Variants in PPP1R15B observed in about 807,000 individuals in gnomAD.
The protein encoded by PPP1R15B is protein phosphatase 1 regulatory subunit 15B, also known as protein phosphatase 1, regulatory (inhibitor) subunit 15B.
PPP1R15B carries 31 observed loss-of-function variants against 53.9 expected under a neutral mutation model. The ratio of observed to expected loss-of-function variants is 0.58; its 90% CI spans 0.43 to 0.78. PPP1R15B has a LOEUF of 0.78. PPP1R15B is among the 30% of genes least tolerant of loss of function. The pLI is 0.00. For missense variants in PPP1R15B, 928 were observed against 849.6 expected (o/e 1.09, Z -1.15); for synonymous variants, 345 against 329.1 (o/e 1.05, Z -0.52).
chr1:204,403,638 T>C lies in PPP1R15B; in HGVS notation c.*2454A>G. 2 of 985,474 alleles carry C rather than the reference T, an allele frequency of 2.0e-6. No individual in the cohort carries two copies. Among genetic ancestry groups the C allele is most frequent in the Non-Finnish European group, 2.4e-6 (2 of 829,564 alleles). 61.0% of individuals were successfully genotyped at this position (985,474 alleles called of 1,614,324 possible). Reference sequence around the variant, plus strand: ...CTCAGAAATGGAACTTTTACCTGTCTGTACAAAGCCTTTTACATGCTACAT... The same window carrying C: ...CTCAGAAATGGAACTTTTACCTGTCCGTACAAAGCCTTTTACATGCTACAT... On this transcript the variant is annotated 3_prime_UTR_variant, in exon 2 of 2. Coordinates refer to ENST00000367188, the MANE Select transcript of PPP1R15B (RefSeq NM_032833.5).
chr1:204,398,078 C>CAT (rs1455788344), downstream of PPP1R15B, among the ~76,000 whole-genome samples: 1 of 152,162 alleles, frequency 6.6e-6, no homozygotes, highest in South Asian at 2.1e-4. Flanking sequence ...AAAAGTGTAT[C>CAT]ATGTGTCTAA....
rs763050964 is a variant in PPP1R15B, at chr1:204,409,778, G to C, written c.1634C>G (p.Ser545Cys). 92 of 1,614,050 alleles carry C rather than the reference G, an allele frequency of 5.7e-5. No individual in the cohort carries two copies. Among genetic ancestry groups the C allele is most frequent in the Middle Eastern group, 1.6e-4 (1 of 6,084 alleles). Residue 545 changes from serine to cysteine, a missense_variant, in exon 1 of 2, where the codon TCT becomes TGT. By Grantham distance (112) the Ser-to-Cys change is moderately radical. Coordinates refer to ENST00000367188, the MANE Select transcript of PPP1R15B (RefSeq NM_032833.5). ...HSSGEEDDWE[S>C]SADEAESLKL... ...GAGACTCTCTGCTTCATCTGCACTA[G>C]ATTCCCAGTCATCTTCCTCCCCAGA...
In PPP1R15B at chr1:204,409,866, C is replaced by A. The variant is rs1199717445; in HGVS notation, c.1546G>T (p.Gly516Cys). The change falls in exon 1 of 2, where the codon GGC becomes TGC. Residue 516 changes from glycine (G) to cysteine (C), a missense_variant. Physicochemically the swap from Gly to Cys is radical, Grantham distance 159. Transcript: ENST00000367188. ...EPSDSEKDLS[G>C]KSDLENSSQS... ...GAGGAATTCTCTAGATCAGACTTGCCAGACAAATCCTTCTCTGAATCAGAA... is the reference window on the plus strand; with the variant it reads ...GAGGAATTCTCTAGATCAGACTTGCAAGACAAATCCTTCTCTGAATCAGAA... The A allele has an allele frequency of 8.1e-6, 13 of 1,614,098 alleles. No homozygotes were observed. The highest frequency in any genetic ancestry group is 1.1e-5 in the Non-Finnish European group (13 of 1,180,020).
Position 204,406,051 on chromosome 1 carries a change from TAA to T in PPP1R15B, c.*39_*40del, listed in dbSNP as rs749819237. On this transcript the variant is annotated 3_prime_UTR_variant, in exon 2 of 2. Transcript: ENST00000367188. Reference sequence around the variant, plus strand: ...TTGTTTTTAAAAGACACCTCTCAGGTAAGAGGTAGTGTATGCTAGCTAGGACT... The same window carrying T: ...TTGTTTTTAAAAGACACCTCTCAGGTGAGGTAGTGTATGCTAGCTAGGACT... 24 of 1,598,520 alleles carry T rather than the reference TAA, an allele frequency of 1.5e-5. No homozygotes were observed. In the African/African-American group the frequency reaches 3.0e-4, roughly 20 times the overall value.
rs1394196389 is a variant in PPP1R15B, at chr1:204,411,034, C to A, written c.378G>T (p.Ser126=). The A allele has an allele frequency of 1.2e-6, 2 of 1,614,148 alleles. No homozygotes were observed. Among genetic ancestry groups the A allele is most frequent in the South Asian group, 2.2e-5 (2 of 91,082 alleles). ...AAPTAQKSLS[S]LQLDSSDPSV... ...AGGGGTCTGAGGAGTCGAGCTGCAG[C>A]GAACTCAAAGATTTCTGCGCTGTGG... is the stretch of plus-strand genomic sequence containing the variant. Residue 126 remains serine, a synonymous_variant, in exon 1 of 2, where the codon TCG becomes TCT. Coordinates refer to ENST00000367188, the MANE Select transcript of PPP1R15B (RefSeq NM_032833.5).
At chr1:204,402,406 C>A (rs569932317), downstream of PPP1R15B, among the ~76,000 whole-genome samples, 1 of 151,954 alleles carries the variant, frequency 6.6e-6, no homozygotes, top group Non-Finnish European at 1.5e-5. Flanking sequence ...AGTATTAAAG[C>A]ATGATTCCAT....
chr1:204,403,262 G>C (rs144968553), downstream of PPP1R15B: 652 of 297,896 alleles, frequency 2.2e-3, 7 homozygotes, highest in African/African-American at 0.014. Flanking sequence ...AATACTGCAA[G>C]AACCAAGTTC....
intron 1 of PPP1R15B, among the ~76,000 whole-genome samples, chr1:204,408,392 T>C (rs997178685): frequency 2.0e-5 from 3 of 152,254 alleles, no homozygotes; most frequent in African/African-American, 4.8e-5. Flanking sequence ...ACATGACTTA[T>C]TCTGCCCTAA....
chr1:204,405,984 T>C lies in PPP1R15B; in HGVS notation c.*108A>G. The stretch of plus-strand genomic sequence containing the variant: ...AAAATTAAACTAGATCCAAGTTACA[T>C]TTCCTCTAAAAAAAAAAATGTCAAA... On this transcript the variant is annotated 3_prime_UTR_variant, in exon 2 of 2. Transcript: ENST00000367188. The C allele has an allele frequency of 6.7e-7, 1 of 1,482,908 alleles. No individual in the cohort carries two copies. The highest frequency in any genetic ancestry group is 1.4e-5 in the South Asian group (1 of 71,218). 91.9% of individuals were successfully genotyped at this position (1,482,908 alleles called of 1,614,324 possible). A position where few individuals can be genotyped will look rare whatever the true frequency, so the allele number is the denominator to read the frequency against.
At chr1:204,402,701 C>T (rs1199845086), downstream of PPP1R15B, among the ~76,000 whole-genome samples, 2 of 151,680 alleles carry the variant, frequency 1.3e-5, no homozygotes, top group Non-Finnish European at 2.9e-5. Context: ...GAATTACAGG[C>T]GTGAGCCACC....
Position 204,404,218 on chromosome 1 carries a change from A to C in PPP1R15B, c.*1874T>G, listed in dbSNP as rs549849826. The C allele has an allele frequency of 1.0e-6, 1 of 985,182 alleles. No individual in the cohort carries two copies. Among genetic ancestry groups the C allele is most frequent in the Non-Finnish European group, 1.2e-6 (1 of 829,880 alleles). The allele number at this position is 985,182 out of a possible 1,614,324, so 61.0% of individuals were successfully genotyped here. A position where few individuals can be genotyped will look rare whatever the true frequency, so the allele number is the denominator to read the frequency against. ...TGATTACCTAAAGTGGAGGTGCACA[A>C]AACACACAGAATCCCAGCACTTTGA... On this transcript the variant is annotated 3_prime_UTR_variant, in exon 2 of 2. Coordinates refer to ENST00000367188, the MANE Select transcript of PPP1R15B (RefSeq NM_032833.5).
chr1:204,396,779 A>G (rs1013802450), downstream of PPP1R15B, among the ~76,000 whole-genome samples: 1 of 152,218 alleles, frequency 6.6e-6, no homozygotes, highest in African/African-American at 2.4e-5. Flanking sequence ...ATAAGTTAAT[A>G]AAAAACAAGA....
chr1:204,408,456 T>C (rs1674303266), intron 1 of PPP1R15B, among the ~76,000 whole-genome samples: 1 of 152,192 alleles, frequency 6.6e-6, no homozygotes, highest in Non-Finnish European at 1.5e-5. Context: ...CAGGAATAAT[T>C]TCAAAGTAGT....
At chr1:204,396,354 A>AC (rs1674100209), downstream of PPP1R15B, among the ~76,000 whole-genome samples, 1 of 109,206 alleles carries the variant, frequency 9.2e-6, no homozygotes, top group Non-Finnish European at 1.9e-5. Flanking sequence ...CTAAAAATAC[A>AC]AAAAAAAAAA....
At position 204,408,561 on chromosome 1, in the gene PPP1R15B, CTT is replaced by C. The variant is rs578260068; in HGVS notation, c.1920+929_1920+930del. Among the ~76,000 whole-genome samples the C allele has an allele frequency of 1.6e-3, 245 of 152,306 alleles. 2 individuals are homozygous for C. Among genetic ancestry groups the C allele is most frequent in the African/African-American group, 5.6e-3 (232 of 41,564 alleles). On this transcript the variant is annotated intron_variant, in intron 1 of 1. Coordinates refer to ENST00000367188, the MANE Select transcript of PPP1R15B (RefSeq NM_032833.5). Reference sequence around the variant, plus strand: ...AGGTCAATAATAACTCACCCACTAACTTCTCTCTCCAAGTAACGGTATAGAAA... The same window carrying C: ...AGGTCAATAATAACTCACCCACTAACCTCTCTCCAAGTAACGGTATAGAAA...
Position 204,410,158 on chromosome 1 carries a change from TC to T in PPP1R15B, c.1253del (p.Arg418AsnfsTer8). On this transcript the variant is annotated frameshift_variant, in exon 1 of 2. Coordinates refer to ENST00000367188, the MANE Select transcript of PPP1R15B (RefSeq NM_032833.5). LOFTEE classifies it high-confidence loss of function. ...YLEGDLPISA[R>X]PACSNKLIDY... The stretch of plus-strand genomic sequence containing the variant: ...CTATCAGTTTGTTACTACAAGCTGG[TC>T]TGGCAGAAATGGGAAGGTCACCTTC... 6.2e-7 allele frequency: 1 copy of T among 1,613,944 alleles called. No homozygotes were observed. The highest frequency in any genetic ancestry group is 8.5e-7 in the Non-Finnish European group (1 of 1,180,034).
downstream of PPP1R15B, chr1:204,400,686 C>A (rs1290364791): frequency 6.7e-6 from 6 of 893,844 alleles, no homozygotes; most frequent in African/African-American, 1.8e-5. Context: ...GCAGTGAGCT[C>A]TGTAGAAAAG....
Position 204,403,788 on chromosome 1 carries a change from G to T in PPP1R15B, c.*2304C>A. The stretch of plus-strand genomic sequence containing the variant: ...TCTAACTAGAATTGGGATGAAACAA[G>T]AATTTTGCTTTTTTCTCCTTCAGTC... On this transcript the variant is annotated 3_prime_UTR_variant, in exon 2 of 2. Coordinates refer to ENST00000367188, the MANE Select transcript of PPP1R15B (RefSeq NM_032833.5). 1.0e-6 allele frequency: 1 copy of T among 985,794 alleles called. No individual in the cohort carries two copies. The allele number at this position is 985,794 out of a possible 1,614,324, so 61.1% of individuals were successfully genotyped here.
chr1:204,405,758 GTTT>G lies in PPP1R15B; in HGVS notation c.*331_*333del. The G allele has an allele frequency of 9.7e-7, 1 of 1,033,222 alleles. No homozygotes were observed. The highest frequency in any genetic ancestry group is 8.2e-5 in the East Asian group (1 of 12,208). 64.0% of individuals were successfully genotyped at this position (1,033,222 alleles called of 1,614,324 possible). A position where few individuals can be genotyped will look rare whatever the true frequency, so the allele number is the denominator to read the frequency against. On this transcript the variant is annotated 3_prime_UTR_variant, in exon 2 of 2. Transcript: ENST00000367188. ...ATGGGCTTTAAGCCCTATAAATATT[GTTT>G]TCCAAGAAAATAAGTTTTGAAAGTG...
Sources: gnomAD v4.1 joint callset for allele counts (sites outside exome capture counted in the v4.1 genomes callset) on GRCh38, gnomAD v4.1.1 for gene constraint, MANE v1.5 for transcripts, NCBI Gene and HGNC (gene_info 2026-07-23, HGNC 2026-07-21) for gene names.